The following CNTN5 variants were observed in gnomAD, a reference collection of about 807,000 sequenced individuals.
CNTN5 encodes the protein contactin-5.
A neutral mutation model predicts 129.1 loss-of-function variants in CNTN5; 77 were observed. The observed-to-expected ratio is 0.60, with a 90% CI of 0.50 to 0.72. CNTN5 has a LOEUF of 0.72. CNTN5 is among the 30% of genes least tolerant of loss of function. The pLI is 0.00. For synonymous variants in CNTN5, 509 were observed against 465.6 expected, an observed-to-expected ratio of 1.09 and a Z score of -1.20; for missense variants, 1,478 against 1,328.8, an observed-to-expected ratio of 1.11 and a Z score of -1.75.
intron 21 of CNTN5, among the ~76,000 whole-genome samples, chr11:100,331,858 A>C (rs1190445597): frequency 1.3e-5 from 2 of 152,156 alleles, no homozygotes; most frequent in Non-Finnish European, 2.9e-5. Flanking sequence ...GAAAGTTCAT[A>C]GTATTAAATG....
At chr11:99,787,160 C>T (rs1438895353) in intron 3 of CNTN5, among the ~76,000 whole-genome samples, 2 of 150,204 alleles carry the variant, frequency 1.3e-5, no homozygotes, top group Admixed American at 6.6e-5. Flanking sequence ...TACATGTGCA[C>T]CTGCACGTTT....
chr11:99,171,012 T>C (rs1188214660), intron 1 of CNTN5, among the ~76,000 whole-genome samples: 29 of 152,228 alleles, frequency 1.9e-4, no homozygotes, highest in Admixed American at 6.5e-4. Context: ...ACAGAAGTTA[T>C]GGTTTTCATT....
chr11:99,716,220 T>C (rs1052296501), intron 3 of CNTN5, among the ~76,000 whole-genome samples: 3 of 152,074 alleles, frequency 2.0e-5, no homozygotes, highest in African/African-American at 7.2e-5. Context: ...CAATTCCTGT[T>C]GGAGTACTGT....
chr11:99,796,334 A>G (rs995010472), intron 3 of CNTN5, among the ~76,000 whole-genome samples: 1 of 152,066 alleles, frequency 6.6e-6, no homozygotes, highest in East Asian at 1.9e-4. Context: ...GCATACACAC[A>G]TGTACATCCA....
intron 2 of CNTN5, among the ~76,000 whole-genome samples, chr11:99,495,692 T>TA (rs1482686275): frequency 6.6e-6 from 1 of 152,144 alleles, no homozygotes; most frequent in Non-Finnish European, 1.5e-5. Context: ...CTTTATCCTT[T>TA]AAAAAAGCCA....
chr11:99,556,033 A>C (rs949854292), intron 2 of CNTN5, 112 bp from the exon 3 acceptor site: 1 of 442,482 alleles, frequency 2.3e-6, no homozygotes, highest in Non-Finnish European at 4.1e-6. Context: ...TGACCTTTGC[A>C]CTAATGGTTA....
At chr11:99,973,820 G>T (rs2137318212) in intron 8 of CNTN5, among the ~76,000 whole-genome samples, 1 of 152,208 alleles carries the variant, frequency 6.6e-6, no homozygotes, top group South Asian at 2.1e-4. Flanking sequence ...GTAATATTTA[G>T]AAGTGTTTCT....
At chr11:100,065,401 C>A (rs1258651531) in intron 10 of CNTN5, among the ~76,000 whole-genome samples, 1 of 151,776 alleles carries the variant, frequency 6.6e-6, no homozygotes, top group Non-Finnish European at 1.5e-5. Context: ...TTTATAATGT[C>A]CACTATGAAA....
At chr11:99,049,163 T>C (rs977164847) in intron 1 of CNTN5, among the ~76,000 whole-genome samples, 6 of 152,174 alleles carry the variant, frequency 3.9e-5, no homozygotes, top group African/African-American at 9.7e-5. Context: ...GTACAATTTA[T>C]ATTCTTTGCA....
At chr11:99,976,810 C>A (rs930393203) in intron 8 of CNTN5, among the ~76,000 whole-genome samples, 1 of 152,224 alleles carries the variant, frequency 6.6e-6, no homozygotes, top group African/African-American at 2.4e-5. Flanking sequence ...GAAACACTTT[C>A]CACATTGTCT....
intron 2 of CNTN5, among the ~76,000 whole-genome samples, chr11:99,372,285 C>G (rs1939871487): frequency 6.6e-6 from 1 of 152,062 alleles, no homozygotes; most frequent in South Asian, 2.1e-4. Flanking sequence ...CTACTTTGAT[C>G]ACCGTTACAT....
intron 9 of CNTN5, among the ~76,000 whole-genome samples, chr11:100,028,784 T>C (rs530186526): frequency 6.6e-6 from 1 of 152,338 alleles, no homozygotes; most frequent in Non-Finnish European, 1.5e-5. Context: ...CAAAAATGTT[T>C]CTATAGATAT....
At chr11:99,222,555 A>T (rs1399885565) in intron 1 of CNTN5, among the ~76,000 whole-genome samples, 2 of 152,050 alleles carry the variant, frequency 1.3e-5, no homozygotes, top group Non-Finnish European at 2.9e-5. Context: ...ATAAAATGAG[A>T]TGTTATTTAT....
intron 1 of CNTN5, among the ~76,000 whole-genome samples, chr11:99,175,775 T>A (rs1195873064): frequency 1.3e-5 from 2 of 152,106 alleles, no homozygotes; most frequent in Non-Finnish European, 2.9e-5. Flanking sequence ...TAAGGGCTCT[T>A]TCTCAACAAT....
intron 13 of CNTN5, among the ~76,000 whole-genome samples, chr11:100,110,151 T>C (rs1945597015): frequency 1.3e-5 from 2 of 148,254 alleles, no homozygotes; most frequent in Non-Finnish European, 3.0e-5. Flanking sequence ...GGCGCCACTG[T>C]ACTCCATCCT....
chr11:99,181,124 A>T (rs1359507614), intron 1 of CNTN5, among the ~76,000 whole-genome samples: 1 of 152,138 alleles, frequency 6.6e-6, no homozygotes, highest in Non-Finnish European at 1.5e-5. Context: ...GGTCTGGTGC[A>T]TTCATAATCA....
chr11:99,826,314 G>C (rs1946955826), intron 4 of CNTN5, among the ~76,000 whole-genome samples: 1 of 152,122 alleles, frequency 6.6e-6, no homozygotes, highest in South Asian at 2.1e-4. Flanking sequence ...TTGAGATTCA[G>C]TCACTTTCCC....
intron 9 of CNTN5, among the ~76,000 whole-genome samples, chr11:100,015,048 G>A (rs974702699): frequency 2.6e-5 from 4 of 152,030 alleles, no homozygotes; most frequent in African/African-American, 9.7e-5. Context: ...TACCATAAAT[G>A]TCTCTTAAAT....
chr11:99,831,551 G>C (rs1200773147), intron 4 of CNTN5, among the ~76,000 whole-genome samples: 1 of 152,086 alleles, frequency 6.6e-6, no homozygotes, highest in Non-Finnish European at 1.5e-5. Flanking sequence ...AGATGTAATG[G>C]TATCACCAAG....
Sources: gnomAD v4.1 joint callset for allele counts (sites outside exome capture counted in the v4.1 genomes callset) on GRCh38, gnomAD v4.1.1 for gene constraint, MANE v1.5 for transcripts, NCBI Gene and HGNC (gene_info 2026-07-23, HGNC 2026-07-21) for gene names.